Variants in NXPE2 observed in about 807,000 individuals in gnomAD.
The protein encoded by NXPE2 is NXPE family member 2.
In NXPE2, 34 loss-of-function variants were observed where a neutral mutation model predicts 34.4. The ratio of observed to expected loss-of-function variants is 0.99; its 90% CI spans 0.75 to 1.31. The LOEUF (loss-of-function observed/expected upper bound fraction) is 1.31, where lower values mean the gene tolerates loss of function less well. Ranked by LOEUF, NXPE2 falls within the 40% of genes most tolerant of loss-of-function variation. The pLI is 0.00. For synonymous variants in NXPE2, 235 were observed against 231.3 expected (o/e 1.02, Z -0.15); for missense variants, 649 against 672.5 (o/e 0.97, Z 0.39).
In NXPE2 at chr11:114,679,245, TGC is replaced by T. The variant is rs1274626528; in HGVS notation, c.27-410_27-409del. Among the ~76,000 whole-genome samples, 29 of 38,466 alleles carry T rather than the reference TGC, an allele frequency of 7.5e-4. 1 individual carries two copies. Among genetic ancestry groups the T allele is most frequent in the Middle Eastern group, 0.013 (2 of 150 alleles). The allele number at this position is 38,466 out of a possible 152,430, so 25.2% of individuals were successfully genotyped here. On this transcript the variant is annotated intron_variant, in intron 1 of 5. Coordinates refer to ENST00000389586, the MANE Select transcript of NXPE2 (RefSeq NM_182495.6). ...GAGAGGGTACCAGACAACATGTGTG[TGC>T]GTGTGTGTGTGTGTGTGTATCAGAG...
the NXPE2 span, among the ~76,000 whole-genome samples, chr11:114,564,554 A>G: frequency 6.6e-6 from 1 of 152,158 alleles, no homozygotes; most frequent in East Asian, 1.9e-4. Context: ...TTCTAGCACA[A>G]TACAGAATAG....
chr11:114,806,076 G>C, the NXPE2 span, among the ~76,000 whole-genome samples: 1 of 152,190 alleles, frequency 6.6e-6, no homozygotes, highest in African/African-American at 2.4e-5. Flanking sequence ...CTGGTACCCA[G>C]GCAAACAGGG....
At chr11:114,714,063 G>C in the NXPE2 span, among the ~76,000 whole-genome samples, 1 of 152,168 alleles carries the variant, frequency 6.6e-6, no homozygotes, top group African/African-American at 2.4e-5. Flanking sequence ...CACATTATGT[G>C]CTATTGACAG....
chr11:114,676,719 T>C (rs1021852133), upstream of NXPE2, among the ~76,000 whole-genome samples: 72 of 151,988 alleles, frequency 4.7e-4, no homozygotes. Context: ...AAATTTAAAA[T>C]GGAAATACTG....
chr11:114,760,591 G>A, the NXPE2 span, among the ~76,000 whole-genome samples: 1 of 152,198 alleles, frequency 6.6e-6, no homozygotes, highest in Admixed American at 6.5e-5. Flanking sequence ...GACAAAGGGA[G>A]AGTCTGTGGA....
At chr11:114,514,682 T>A in the NXPE2 span, among the ~76,000 whole-genome samples, 1 of 152,248 alleles carries the variant, frequency 6.6e-6, no homozygotes, top group South Asian at 2.1e-4. Context: ...AACCACCATG[T>A]CCAGCTGTGA....
the NXPE2 span, among the ~76,000 whole-genome samples, chr11:114,725,996 AAG>A: frequency 1.1e-4 from 8 of 75,292 alleles, 1 homozygote; most frequent in South Asian, 1.3e-3. Flanking sequence ...TATATATAAA[AAG>A]AAAAAGAAAA....
chr11:114,538,702 A>T, the NXPE2 span, among the ~76,000 whole-genome samples: 4 of 152,246 alleles, frequency 2.6e-5, no homozygotes, highest in African/African-American at 9.6e-5. Flanking sequence ...ATCACTGGCC[A>T]TCAGAGAAAT....
At chr11:114,491,030 C>T in the NXPE2 span, among the ~76,000 whole-genome samples, 16 of 149,734 alleles carry the variant, frequency 1.1e-4, no homozygotes, top group African/African-American at 3.2e-4. Flanking sequence ...GGCGCGGTGG[C>T]GGGCGCCTGT....
At chr11:114,608,283 C>T in the NXPE2 span, among the ~76,000 whole-genome samples, 2 of 151,718 alleles carry the variant, frequency 1.3e-5, no homozygotes, top group African/African-American at 2.4e-5. Flanking sequence ...CCACTGTTAC[C>T]CAGTATTTAA....
At chr11:114,744,687 G>A in the NXPE2 span, among the ~76,000 whole-genome samples, 299 of 152,216 alleles carry the variant, frequency 2.0e-3, no homozygotes, top group African/African-American at 7.0e-3. Flanking sequence ...GCATGCACCT[G>A]TAATCCTTGC....
At chr11:114,798,083 T>C in the NXPE2 span, among the ~76,000 whole-genome samples, 4 of 152,200 alleles carry the variant, frequency 2.6e-5, no homozygotes, top group Non-Finnish European at 1.5e-5. Context: ...TCTGCTTATA[T>C]TTCCCTTATT....
the NXPE2 span, among the ~76,000 whole-genome samples, chr11:114,543,524 A>G: frequency 6.6e-6 from 1 of 152,032 alleles, no homozygotes; most frequent in Non-Finnish European, 1.5e-5. Flanking sequence ...CTGTTTAAAA[A>G]AAAAAAAAAT....
At chr11:114,623,415 C>A in the NXPE2 span, among the ~76,000 whole-genome samples, 1 of 152,028 alleles carries the variant, frequency 6.6e-6, no homozygotes, top group Non-Finnish European at 1.5e-5. Context: ...CATTGTTACC[C>A]GCTGGATAAT....
At chr11:114,483,086 T>C in the NXPE2 span, among the ~76,000 whole-genome samples, 197 of 152,312 alleles carry the variant, frequency 1.3e-3, no homozygotes, top group African/African-American at 4.5e-3. Flanking sequence ...ACTACTACCC[T>C]AATCTATAGT....
chr11:114,528,333 T>C, the NXPE2 span, among the ~76,000 whole-genome samples: 7 of 152,296 alleles, frequency 4.6e-5, no homozygotes, highest in South Asian at 1.5e-3. Context: ...CCTTTCTCAT[T>C]GCAAATCCAA....
At chr11:114,635,046 A>G in the NXPE2 span, among the ~76,000 whole-genome samples, 6 of 152,080 alleles carry the variant, frequency 3.9e-5, no homozygotes, top group South Asian at 1.2e-3. Flanking sequence ...TCTATAAATT[A>G]CCTTGGGTAG....
the NXPE2 span, among the ~76,000 whole-genome samples, chr11:114,531,236 AATAT>A: frequency 6.6e-6 from 1 of 152,188 alleles, no homozygotes; most frequent in Non-Finnish European, 1.5e-5. Context: ...TTCAATCCAA[AATAT>A]ATAGCTCAGA....
chr11:114,588,019 C>T, the NXPE2 span, among the ~76,000 whole-genome samples: 1 of 152,234 alleles, frequency 6.6e-6, no homozygotes, highest in African/African-American at 2.4e-5. Flanking sequence ...CTTTCTTTGC[C>T]CTGTGAGACA....
Sources: allele counts gnomAD v4.1 joint callset (sites outside exome capture counted in the v4.1 genomes callset), GRCh38; gene constraint gnomAD v4.1.1; transcripts MANE v1.5; gene names NCBI Gene and HGNC (gene_info 2026-07-23, HGNC 2026-07-21).